ERI1: variants seen among roughly 807,000 people sequenced by gnomAD.
ERI1 encodes the protein 3'-5' exoribonuclease 1.
A neutral mutation model predicts 39.7 loss-of-function variants in ERI1; 39 were observed. The observed-to-expected ratio is 0.98, with a 90% CI of 0.76 to 1.28. The LOEUF (loss-of-function observed/expected upper bound fraction) is 1.28, where lower values mean the gene tolerates loss of function less well. ERI1 is among the 50% of genes most tolerant of loss of function. The pLI is 0.00. For synonymous variants in ERI1, 204 were observed against 149.6 expected, an observed-to-expected ratio of 1.36 and a Z score of -2.65; for missense variants, 581 against 416.9, an observed-to-expected ratio of 1.39 and a Z score of -3.43.
intron 3 of ERI1, among the ~76,000 whole-genome samples, chr8:9,095,920 G>A (rs573101082): frequency 5.3e-5 from 8 of 152,232 alleles, no homozygotes; most frequent in South Asian, 4.2e-4. Context: ...GAAATGTTTC[G>A]GGAGCCCTCG....
intron 3 of ERI1, among the ~76,000 whole-genome samples, chr8:9,085,978 T>C (rs1799512712): frequency 6.6e-6 from 1 of 152,186 alleles, no homozygotes; most frequent in Non-Finnish European, 1.5e-5. Context: ...GGTTTGTGTG[T>C]ATCTAGAAGA....
chr8:9,015,786 G>C (rs1817202571), intron 3 of ERI1, among the ~76,000 whole-genome samples: 1 of 146,014 alleles, frequency 6.8e-6, no homozygotes, highest in African/African-American at 2.6e-5. Flanking sequence ...CATTACTGTA[G>C]ATACACAGTG....
intron 3 of ERI1, among the ~76,000 whole-genome samples, chr8:9,086,997 T>A (rs537028744): frequency 5.3e-5 from 8 of 152,170 alleles, no homozygotes; most frequent in Non-Finnish European, 1.2e-4. Flanking sequence ...CTGAGTAACT[T>A]TGACCTCCTT....
At chr8:9,053,401 G>C (rs1253470733) in intron 3 of ERI1, among the ~76,000 whole-genome samples, 1 of 152,184 alleles carries the variant, frequency 6.6e-6, no homozygotes, top group East Asian at 1.9e-4. Flanking sequence ...GAGCTTCTGG[G>C]TTGATAAGCT....
chr8:9,090,265 G>A (rs546444597), intron 3 of ERI1, among the ~76,000 whole-genome samples: 1 of 152,264 alleles, frequency 6.6e-6, no homozygotes, highest in South Asian at 2.1e-4. Context: ...CGACAGAGAA[G>A]GGGTGTGGTG....
Position 9,062,260 on chromosome 8 carries a change from G to A in ERI1, n.299+41796G>A, listed in dbSNP as rs145544026. On this transcript the variant is annotated intron_variant and non_coding_transcript_variant, in intron 3 of 3. Transcript: ENST00000518663. The stretch of plus-strand genomic sequence containing the variant: ...TGCATGATCAGTCGCCAAGGAGGGA[G>A]TAGAGGTATCTTATACTTGTGGGTT... Among the ~76,000 whole-genome samples the A allele has an allele frequency of 5.9e-3, 901 of 152,122 alleles. 10 individuals are homozygous for A. Among genetic ancestry groups the A allele is most frequent in the African/African-American group, 0.02 (848 of 41,496 alleles).
chr8:9,005,786 G>T (rs1332330787), intron 1 of ERI1, among the ~76,000 whole-genome samples: 5 of 152,288 alleles, frequency 3.3e-5, no homozygotes, highest in African/African-American at 9.6e-5. Flanking sequence ...GAGCCAACGC[G>T]CCCGGCCTCA....
At chr8:9,035,971 C>T (rs1222407503), downstream of ERI1, among the ~76,000 whole-genome samples, 2 of 152,148 alleles carry the variant, frequency 1.3e-5, no homozygotes, top group South Asian at 4.1e-4. Flanking sequence ...TGGAAGAAGT[C>T]ACTGCTGATG....
chr8:9,038,728 A>T (rs1196198206), intron 3 of ERI1, among the ~76,000 whole-genome samples: 1 of 152,220 alleles, frequency 6.6e-6, no homozygotes, highest in Non-Finnish European at 1.5e-5. Context: ...TTGTGACCGT[A>T]AGGATGTGTG....
At chr8:9,074,576 A>T (rs1276642077) in intron 3 of ERI1, among the ~76,000 whole-genome samples, 2 of 152,044 alleles carry the variant, frequency 1.3e-5, no homozygotes, top group East Asian at 3.9e-4. Flanking sequence ...TGAGTAGCTG[A>T]GACTACAGGT....
rs1028932661 is a variant in ERI1 at position 9,031,911 on chromosome 8, C to T, written c.*1877C>T. On this transcript the variant is annotated 3_prime_UTR_variant, in exon 7 of 7. Coordinates refer to ENST00000250263, the MANE Select transcript of ERI1 (RefSeq NM_153332.4). ...TAGCTCAGATTACAGGCGCGTGCCA[C>T]CACACCCGCCTAATTTTTGTATTTT... The T allele has an allele frequency of 2.6e-5, 4 of 152,224 alleles. No homozygotes were observed. Among genetic ancestry groups the T allele is most frequent in the Non-Finnish European group, 5.9e-5 (4 of 68,084 alleles). The allele number at this position is 152,224 out of a possible 1,614,324, so 9.4% of individuals were successfully genotyped here.
intron 3 of ERI1, among the ~76,000 whole-genome samples, chr8:9,042,447 T>A (rs1798055688): frequency 1.3e-5 from 2 of 152,212 alleles, no homozygotes; most frequent in Admixed American, 6.5e-5. Context: ...CCTCAACTGC[T>A]ACGCCCTCTC....
chr8:9,089,290 A>C lies in ERI1; in HGVS notation n.300-27058A>C, dbSNP rs570379503. Among the ~76,000 whole-genome samples, 5 of 152,302 alleles carry C rather than the reference A, an allele frequency of 3.3e-5. No individual in the cohort carries two copies. The South Asian group carries it at 8.3e-4, about 25-fold the overall frequency. On this transcript the variant is annotated intron_variant and non_coding_transcript_variant, in intron 3 of 3. Transcript: ENST00000518663. ...TAATTTTAAAAATATTTATAAATAGAGATGGGGTCTTGCTGTGTTGCCCAG... is the reference window on the plus strand; with the variant it reads ...TAATTTTAAAAATATTTATAAATAGCGATGGGGTCTTGCTGTGTTGCCCAG...
At chr8:9,089,293 T>C (rs1438485107) in intron 3 of ERI1, among the ~76,000 whole-genome samples, 1 of 152,110 alleles carries the variant, frequency 6.6e-6, no homozygotes, top group East Asian at 1.9e-4. Context: ...TAAATAGAGA[T>C]GGGGTCTTGC....
intron 3 of ERI1, among the ~76,000 whole-genome samples, chr8:9,050,071 T>C (rs935033314): frequency 1.3e-5 from 2 of 151,836 alleles, no homozygotes; most frequent in African/African-American, 4.8e-5. Context: ...GTCTGTAAGA[T>C]AGAACTAATA....
chr8:9,025,517 T>G (rs1277215640), intron 6 of ERI1, among the ~76,000 whole-genome samples: 1 of 152,246 alleles, frequency 6.6e-6, no homozygotes. Context: ...TGTTCACCTT[T>G]CAACTCAGCC....
At chr8:9,080,275 A>G (rs972966729) in intron 3 of ERI1, among the ~76,000 whole-genome samples, 4 of 152,158 alleles carry the variant, frequency 2.6e-5, no homozygotes, top group African/African-American at 7.2e-5. Flanking sequence ...ATCAAAGTCC[A>G]TTTATTTTCT....
intron 3 of ERI1, among the ~76,000 whole-genome samples, chr8:9,055,457 C>T (rs993529236): frequency 3.3e-5 from 5 of 152,192 alleles, no homozygotes; most frequent in Non-Finnish European, 7.3e-5. Context: ...CTTGGCCTCT[C>T]GTTTGCAGCA....
chr8:9,007,325 T>A, intron 1 of ERI1, among the ~76,000 whole-genome samples: 1 of 152,228 alleles, frequency 6.6e-6, no homozygotes, highest in Non-Finnish European at 1.5e-5. Flanking sequence ...TTTGTTTTTA[T>A]GTTGGGCAAT....
Sources: gnomAD v4.1 joint callset for allele counts (sites outside exome capture counted in the v4.1 genomes callset) on GRCh38, gnomAD v4.1.1 for gene constraint, MANE v1.5 for transcripts, NCBI Gene and HGNC (gene_info 2026-07-23, HGNC 2026-07-21) for gene names.